Variants in L3MBTL4 observed in about 807,000 individuals in gnomAD.
The protein encoded by L3MBTL4 is L3MBTL histone methyl-lysine binding protein 4.
In L3MBTL4, 70 loss-of-function variants were observed where a neutral mutation model predicts 84.5. The ratio of observed to expected loss-of-function variants is 0.83; its 90% confidence interval spans 0.68 to 1.01. The LOEUF (loss-of-function observed/expected upper bound fraction) is 1.01. Among genes scored for constraint, L3MBTL4 ranks in the 50% least tolerant of loss-of-function variants. The pLI is 0.00. For synonymous variants in L3MBTL4, 274 were observed against 259.8 expected (o/e 1.05, Z -0.52); for missense variants, 715 against 754.8 (o/e 0.95, Z 0.62).
At chr18:6,396,250 C>T (rs2144590131) in intron 1 of L3MBTL4, 1 of 152,308 alleles carries the variant, frequency 6.6e-6, no homozygotes, top group East Asian at 1.9e-4. Context: ...ATTGTACAGC[C>T]CATGGGTAAT....
chr18:6,413,602 CTTA>C (rs1568626291), intron 1 of L3MBTL4, among the ~76,000 whole-genome samples: 1 of 151,878 alleles, frequency 6.6e-6, no homozygotes, highest in Non-Finnish European at 1.5e-5. Context: ...CCACACTACA[CTTA>C]TTTCAGCCAA....
intron 16 of L3MBTL4, among the ~76,000 whole-genome samples, chr18:5,973,799 G>C (rs1400724958): frequency 1.3e-5 from 2 of 152,172 alleles, no homozygotes; most frequent in African/African-American, 4.8e-5. Flanking sequence ...TCACAGCCCT[G>C]TTTCCACCTA....
At chr18:6,026,448 C>T (rs555936544) in intron 16 of L3MBTL4, among the ~76,000 whole-genome samples, 4 of 152,306 alleles carry the variant, frequency 2.6e-5, no homozygotes, top group African/African-American at 4.8e-5. Context: ...TTAATCTTTA[C>T]CAACTTCCTG....
At position 6,390,947 on chromosome 18, in the gene L3MBTL4, T is replaced by C. The variant is rs115062089; in HGVS notation, c.-91+23854A>G. ...ATCCTACTGAAACTATTCCAAAAGA[T>C]TGAGAAAAAGGGAATCCTCCCTAAT... On this transcript the variant is annotated intron_variant, in intron 1 of 18. Transcript: ENST00000317931. 7.3e-3 allele frequency among the ~76,000 whole-genome samples: 1,115 copies of C among 152,080 alleles called. 26 individuals are homozygous for C. Among genetic ancestry groups the C allele is most frequent in the African/African-American group, 0.026 (1,068 of 41,480 alleles).
intron 4 of L3MBTL4, among the ~76,000 whole-genome samples, chr18:6,272,524 G>A (rs1450009392): frequency 3.7e-4 from 25 of 67,680 alleles, no homozygotes; most frequent in African/African-American, 1.0e-3. Flanking sequence ...AGGGGGAGTT[G>A]TGCAGATTCA....
chr18:6,118,171 A>ACTCT (rs144219677), intron 14 of L3MBTL4, among the ~76,000 whole-genome samples: 6 of 140,050 alleles, frequency 4.3e-5, no homozygotes, highest in Admixed American at 3.7e-4. Flanking sequence ...ATGCAAACTC[A>ACTCT]CTCTCTCTCT....
At chr18:6,205,524 C>T (rs2045837569) in intron 12 of L3MBTL4, among the ~76,000 whole-genome samples, 1 of 152,142 alleles carries the variant, frequency 6.6e-6, no homozygotes, top group Non-Finnish European at 1.5e-5. Context: ...CCTGTCACCA[C>T]CACATTTGTA....
chr18:6,133,773 G>A (rs1332897516), intron 14 of L3MBTL4, among the ~76,000 whole-genome samples: 2 of 152,076 alleles, frequency 1.3e-5, no homozygotes, highest in African/African-American at 4.8e-5. Context: ...CAGTAGATGG[G>A]AAACACCTGA....
At chr18:6,303,040 C>A (rs2050414060) in intron 3 of L3MBTL4, among the ~76,000 whole-genome samples, 1 of 152,008 alleles carries the variant, frequency 6.6e-6, no homozygotes, top group Non-Finnish European at 1.5e-5. Context: ...AACGGAATTT[C>A]CCAATTTTAA....
chr18:6,300,735 T>G (rs185096283), intron 4 of L3MBTL4, among the ~76,000 whole-genome samples: 111 of 152,282 alleles, frequency 7.3e-4, no homozygotes, highest in Non-Finnish European at 1.1e-3. Context: ...AAAATATAGC[T>G]GCAGGGGAGA....
chr18:6,251,097 T>C (rs2047904971), intron 5 of L3MBTL4, among the ~76,000 whole-genome samples: 1 of 152,094 alleles, frequency 6.6e-6, no homozygotes, highest in Admixed American at 6.6e-5. Context: ...ATAATTCAAA[T>C]GCTACAGAAG....
At chr18:6,384,224 C>A (rs952333482) in intron 1 of L3MBTL4, among the ~76,000 whole-genome samples, 1 of 152,276 alleles carries the variant, frequency 6.6e-6, no homozygotes, top group Non-Finnish European at 1.5e-5. Context: ...TCAAAATTCT[C>A]TTCTTGTATA....
Position 6,314,934 on chromosome 18 carries a change from C to A in L3MBTL4, c.-90-2878G>T, listed in dbSNP as rs117014496. On this transcript the variant is annotated intron_variant, in intron 1 of 18. Coordinates refer to ENST00000317931, the MANE Select transcript of L3MBTL4 (RefSeq NM_001330559.2). ...TAGCAGCCACATGTCCTGGATAACC[C>A]AAGGTACGTCTGTCTTCTGCCACTC... Among the ~76,000 whole-genome samples, 1,089 of 152,288 alleles carry A rather than the reference C, an allele frequency of 7.2e-3. 9 individuals carry two copies. The highest frequency in any genetic ancestry group is 0.02 in the Middle Eastern group (6 of 294).
intron 1 of L3MBTL4, among the ~76,000 whole-genome samples, chr18:6,408,275 G>A (rs2055818155): frequency 6.6e-6 from 1 of 152,124 alleles, no homozygotes; most frequent in Non-Finnish European, 1.5e-5. Flanking sequence ...GCAATAAGAA[G>A]CCAGTACGTT....
chr18:6,135,594 C>A (rs549368686), intron 14 of L3MBTL4, among the ~76,000 whole-genome samples: 7 of 152,066 alleles, frequency 4.6e-5, no homozygotes, highest in Admixed American at 2.0e-4. Flanking sequence ...AGGGCAAGGG[C>A]AAGATGCTGC....
rs960196636 is a variant in L3MBTL4 at position 6,004,894 on chromosome 18, G to A, written c.1445-35332C>T. ...TAACGGGTGAAGAGTTTCAGTTTCA[G>A]GTGATGACTAACTTCTGGAGATGGA... is the stretch of plus-strand genomic sequence containing the variant. On this transcript the variant is annotated intron_variant, in intron 16 of 18. Transcript: ENST00000317931. Among the ~76,000 whole-genome samples the A allele has an allele frequency of 3.3e-5, 5 of 150,624 alleles. No individual in the cohort carries two copies. In the East Asian group the frequency reaches 7.8e-4, roughly 24 times the overall value.
chr18:6,166,435 A>T (rs1243708403), intron 13 of L3MBTL4, among the ~76,000 whole-genome samples: 13 of 152,144 alleles, frequency 8.5e-5, no homozygotes, highest in Admixed American at 4.6e-4. Context: ...GAAGTAAAGC[A>T]CTCCTCAGCA....
At chr18:6,076,260 C>T (rs2057853027) in intron 16 of L3MBTL4, among the ~76,000 whole-genome samples, 1 of 152,134 alleles carries the variant, frequency 6.6e-6, no homozygotes, top group South Asian at 2.1e-4. Context: ...GGTATCTTCA[C>T]AAAACTGAAT....
At position 5,991,449 on chromosome 18, in the gene L3MBTL4, G is replaced by C. The variant is rs1336345717; in HGVS notation, c.1445-21887C>G. On this transcript the variant is annotated intron_variant, in intron 16 of 18. Coordinates refer to ENST00000317931, the MANE Select transcript of L3MBTL4 (RefSeq NM_001330559.2). ...TTAAGAGGCACATAAACATTCTGTT[G>C]ATTGACTCTAAATGACTCCCATCAA... 2.6e-5 allele frequency among the ~76,000 whole-genome samples: 4 copies of C among 152,252 alleles called. No individual in the cohort carries two copies. In the East Asian group the frequency reaches 5.8e-4, roughly 22 times the overall value.
Sources: gnomAD v4.1 joint callset for allele counts (sites outside exome capture counted in the v4.1 genomes callset) on GRCh38, gnomAD v4.1.1 for gene constraint, MANE v1.5 for transcripts, NCBI Gene and HGNC (gene_info 2026-07-23, HGNC 2026-07-21) for gene names.